The following LRRC37A3 variants were observed in gnomAD, a reference collection of about 807,000 sequenced individuals.
LRRC37A3 encodes leucine rich repeat containing 37 member A3.
A neutral mutation model predicts 106.2 loss-of-function variants in LRRC37A3; 25 were observed. The ratio of observed to expected loss-of-function variants is 0.24; its 90% CI spans 0.17 to 0.33. LRRC37A3 has a LOEUF of 0.33. Among genes scored for constraint, LRRC37A3 ranks in the 10% least tolerant of loss-of-function variants. The probability of loss-of-function intolerance (pLI) is 1.00; values close to 1 mark genes in which losing one functional copy is unlikely to be tolerated. For synonymous variants in LRRC37A3, 305 were observed against 635.8 expected, an observed-to-expected ratio of 0.48 and a Z score of 7.83; for missense variants, 712 against 1,644.9, an observed-to-expected ratio of 0.43 and a Z score of 9.81.
chr17:64,916,556 C>T lies in LRRC37A3; in HGVS notation c.-496+2194G>A, dbSNP rs868295042. On this transcript the variant is annotated intron_variant, in intron 2 of 14. Transcript: ENST00000584306. ...CTTTGGGAGGCCGAGGCAGGCAGATCGCTTGAGCCCAGGATTCGAAATCAG... is the reference window on the plus strand; with the variant it reads ...CTTTGGGAGGCCGAGGCAGGCAGATTGCTTGAGCCCAGGATTCGAAATCAG... Among the ~76,000 whole-genome samples, 374 of 148,708 alleles carry T rather than the reference C, an allele frequency of 2.5e-3. 2 individuals are homozygous for T. The highest frequency in any genetic ancestry group is 8.8e-3 in the African/African-American group (354 of 40,340).
chr17:64,872,997 A>C (rs1313740562), intron 8 of LRRC37A3, among the ~76,000 whole-genome samples: 6 of 152,220 alleles, frequency 3.9e-5, no homozygotes, highest in African/African-American at 1.4e-4. Context: ...GATTTAAGTA[A>C]ATCTTCATTT....
chr17:64,912,308 A>T (rs1334643893), intron 2 of LRRC37A3, among the ~76,000 whole-genome samples: 1 of 116,120 alleles, frequency 8.6e-6, no homozygotes, highest in East Asian at 2.7e-4. Context: ...GAAAGTATAG[A>T]TACATATCTA....
chr17:64,868,191 A>G (rs1490694264), intron 10 of LRRC37A3, among the ~76,000 whole-genome samples: 5 of 152,228 alleles, frequency 3.3e-5, no homozygotes, highest in Admixed American at 1.3e-4. Flanking sequence ...CAGAAATCAG[A>G]TTAGTAGCTA....
At chr17:64,855,604 G>C (rs1972649002) in intron 14 of LRRC37A3, among the ~76,000 whole-genome samples, 2 of 150,952 alleles carry the variant, frequency 1.3e-5, no homozygotes, top group African/African-American at 5.0e-5. Flanking sequence ...TGAAAAATGA[G>C]GGCAGAGTTC....
chr17:64,868,079 C>A (rs1461947044), intron 10 of LRRC37A3, among the ~76,000 whole-genome samples: 265 of 144,388 alleles, frequency 1.8e-3, no homozygotes, highest in Non-Finnish European at 3.1e-3. Context: ...ATTTCAAAAA[C>A]AAAAAAAAAA....
rs368929743 is a variant in LRRC37A3 at position 64,860,717 on chromosome 17, T to C, written c.3429A>G (p.Lys1143=). Reference sequence around the variant, plus strand: ...CCAGGCTGTTTCCTGTGGTTGGCAGTTTAATGAACGGTAGTAACAGTGATT... The same window carrying C: ...CCAGGCTGTTTCCTGTGGTTGGCAGCTTAATGAACGGTAGTAACAGTGATT... ...DVKSLLLPFI[K]LPTTGNSLAK... is the part of the protein sequence containing the mutation. Residue 1143 remains lysine (K), a synonymous_variant, in exon 12 of 15, where the codon AAA becomes AAG. Coordinates refer to ENST00000584306, the MANE Select transcript of LRRC37A3 (RefSeq NM_199340.5). 2.5e-5 allele frequency: 40 copies of C among 1,614,012 alleles called. No individual in the cohort carries two copies. The African/African-American group carries it at 4.9e-4, about 20-fold the overall frequency.
In LRRC37A3 at chr17:64,855,849, C is replaced by T. The variant is rs745380179; in HGVS notation, c.4850G>A (p.Gly1617Glu). Residue 1617 changes from glycine (G) to glutamate (E), a missense_variant, in exon 14 of 15, where the codon GGA becomes GAA. Gly to Glu is a moderately conservative substitution (Grantham distance 98). Transcript: ENST00000584306. Reference protein sequence around the residue: ...HRRSLQEDEEGFSRDSEAPTE... With the variant: ...HRRSLQEDEEEFSRDSEAPTE... ...CCAGACTAATATTTACCTTGAGAAT[C>T]CTTCTTCATCTTCTTGTAATGACCT... 1.2e-6 allele frequency: 2 copies of T among 1,611,630 alleles called. No individual in the cohort carries two copies. The highest frequency in any genetic ancestry group is 1.7e-6 in the Non-Finnish European group (2 of 1,179,642).
intron 10 of LRRC37A3, among the ~76,000 whole-genome samples, chr17:64,867,651 A>G (rs1453765814): frequency 6.6e-6 from 1 of 151,412 alleles, no homozygotes; most frequent in African/African-American, 2.4e-5. Context: ...TGTTTTATAT[A>G]TTTTATTTTT....
intron 2 of LRRC37A3, among the ~76,000 whole-genome samples, chr17:64,902,360 AAAG>A (rs1974334883): frequency 7.6e-6 from 1 of 131,470 alleles, no homozygotes; most frequent in Non-Finnish European, 1.6e-5. Flanking sequence ...GCATGCAATT[AAAG>A]AAGACCTGCC....
rs1973223202 is a variant in LRRC37A3 at position 64,869,276 on chromosome 17, T to C, written c.2907-110A>G. On this transcript the variant is annotated intron_variant, in intron 8 of 14. Coordinates refer to ENST00000584306, the MANE Select transcript of LRRC37A3 (RefSeq NM_199340.5). ...AACTTGTAGGTAAAAAAGAAAAAAATGTTTCCTGTCTTTACCTAAGAAATC... is the reference window on the plus strand; with the variant it reads ...AACTTGTAGGTAAAAAAGAAAAAAACGTTTCCTGTCTTTACCTAAGAAATC... The C allele has an allele frequency of 1.9e-6, 3 of 1,563,602 alleles. No individual in the cohort carries two copies. The Admixed American group carries it at 6.0e-5, about 31-fold the overall frequency.
intron 8 of LRRC37A3, among the ~76,000 whole-genome samples, chr17:64,875,979 A>G (rs1231726118): frequency 1.3e-5 from 2 of 152,134 alleles, no homozygotes; most frequent in African/African-American, 4.8e-5. Context: ...TCTGAACTAC[A>G]ACGTTATAAA....
chr17:64,917,261 A>C lies in LRRC37A3; in HGVS notation c.-496+1489T>G, dbSNP rs540518063. 1.8e-4 allele frequency among the ~76,000 whole-genome samples: 27 copies of C among 151,020 alleles called. No individual in the cohort carries two copies. In the East Asian group the frequency reaches 2.5e-3, roughly 14 times the overall value. On this transcript the variant is annotated intron_variant, in intron 2 of 14. Transcript: ENST00000584306. ...ACTCCATCTCAAAAAAAAAAAAAAA[A>C]AAAAAAAAACCTGAAAATATCAAGT...
chr17:64,854,573 G>A lies in LRRC37A3; in HGVS notation c.*26C>T, dbSNP rs1972611233. On this transcript the variant is annotated 3_prime_UTR_variant, in exon 15 of 15. Transcript: ENST00000584306. ...GTTTACGCTATGTATTTTTGCAGGA[G>A]GCCTGAGGTGGGCTGGGTTCTCCTC... 1 of 1,613,840 alleles carries A rather than the reference G, an allele frequency of 6.2e-7. No homozygotes were observed.
In LRRC37A3 at chr17:64,858,778, C is replaced by A. The variant is rs1306560856; in HGVS notation, c.4809+1G>T. On this transcript the variant is annotated splice_donor_variant, in intron 13 of 14. Coordinates refer to ENST00000584306, the MANE Select transcript of LRRC37A3 (RefSeq NM_199340.5). LOFTEE classifies it high-confidence loss of function. ...AAACCTGAATTAATTATTGTCCTTA[C>A]CTCAATGAGGCAGAGAAGTATAATC... 1.2e-6 allele frequency: 2 copies of A among 1,602,108 alleles called. No homozygotes were observed. The highest frequency in any genetic ancestry group is 8.6e-7 in the Non-Finnish European group (1 of 1,169,454).
intron 10 of LRRC37A3, among the ~76,000 whole-genome samples, chr17:64,864,502 A>T (rs1158266916): frequency 6.6e-6 from 1 of 152,204 alleles, no homozygotes; most frequent in African/African-American, 2.4e-5. Context: ...CAAAAGAGGT[A>T]ACCGAGACAA....
intron 9 of LRRC37A3, among the ~76,000 whole-genome samples, chr17:64,868,772 C>G (rs938803279): frequency 6.6e-6 from 1 of 151,954 alleles, no homozygotes; most frequent in African/African-American, 2.4e-5. Context: ...TCATATTGCA[C>G]TCACCATCTT....
chr17:64,916,062 G>C (rs568753205), intron 2 of LRRC37A3, among the ~76,000 whole-genome samples: 109 of 152,174 alleles, frequency 7.2e-4, no homozygotes, highest in African/African-American at 2.6e-3. Context: ...AGTGAGCCAA[G>C]ATCATGCCAC....
At chr17:64,857,389 TACATG>T (rs1972712412) in intron 13 of LRRC37A3, among the ~76,000 whole-genome samples, 1 of 152,212 alleles carries the variant, frequency 6.6e-6, no homozygotes, top group South Asian at 2.1e-4. Context: ...AAGAAATGAA[TACATG>T]ACATGAGATA....
chr17:64,872,610 T>C (rs962205368), intron 8 of LRRC37A3, among the ~76,000 whole-genome samples: 6 of 152,158 alleles, frequency 3.9e-5, no homozygotes, highest in Non-Finnish European at 8.8e-5. Context: ...TGTTTGAACA[T>C]GGCAACTGTA....
Sources: allele counts gnomAD v4.1 joint callset (sites outside exome capture counted in the v4.1 genomes callset), GRCh38; gene constraint gnomAD v4.1.1; transcripts MANE v1.5; gene names NCBI Gene and HGNC (gene_info 2026-07-23, HGNC 2026-07-21).